The following CSMD3 variants were observed in gnomAD, a reference collection of about 807,000 sequenced individuals.
CSMD3 encodes the protein CUB and sushi domain-containing protein 3.
CSMD3 carries 177 observed loss-of-function variants against 435.2 expected under a neutral mutation model. The ratio of observed to expected loss-of-function variants is 0.41; its 90% CI spans 0.36 to 0.46. The LOEUF is 0.46. Ranked by LOEUF, CSMD3 falls within the 20% of genes least tolerant of loss-of-function variation. The probability of loss-of-function intolerance (pLI) is 0.34; values close to 1 mark genes in which losing one functional copy is unlikely to be tolerated. For synonymous variants in CSMD3, 1,656 were observed against 1,520.5 expected (o/e 1.09, Z -2.07); for missense variants, 4,265 against 4,504.6 (o/e 0.95, Z 1.52).
At chr8:112,264,699 A>G (rs1377602024) in intron 60 of CSMD3, among the ~76,000 whole-genome samples, 10 of 152,176 alleles carry the variant, frequency 6.6e-5, no homozygotes, top group Admixed American at 5.9e-4. Flanking sequence ...TAATTTTGTT[A>G]GATTATAAGT....
intron 11 of CSMD3, among the ~76,000 whole-genome samples, chr8:112,831,937 T>A (rs1014925173): frequency 5.9e-5 from 9 of 152,318 alleles, no homozygotes; most frequent in South Asian, 2.1e-4. Context: ...CTAGTTGAGA[T>A]CAGCTTTATA....
intron 4 of CSMD3, among the ~76,000 whole-genome samples, chr8:113,128,397 T>A (rs963838105): frequency 2.0e-5 from 3 of 151,956 alleles, no homozygotes; most frequent in African/African-American, 7.2e-5. Flanking sequence ...ATGAGCAAAA[T>A]TTTATGACCA....
chr8:113,293,363 T>G (rs1422756453), intron 2 of CSMD3, among the ~76,000 whole-genome samples: 1 of 152,000 alleles, frequency 6.6e-6, no homozygotes, highest in Non-Finnish European at 1.5e-5. Context: ...ATTTCTCCTT[T>G]CTCTCTTCCT....
In CSMD3 at chr8:112,947,891, G is replaced by A; in HGVS notation, c.1421-14C>T. 1.0e-6 allele frequency: 1 copy of A among 1,000,304 alleles called. No individual in the cohort carries two copies. The highest frequency in any genetic ancestry group is 1.6e-6 in the Non-Finnish European group (1 of 628,180). The allele number at this position is 1,000,304 out of a possible 1,614,324, so 62.0% of individuals were successfully genotyped here. A position where few individuals can be genotyped will look rare whatever the true frequency, so the allele number is the denominator to read the frequency against. On this transcript the variant is annotated splice_polypyrimidine_tract_variant and intron_variant, in intron 8 of 70. Coordinates refer to ENST00000297405, the MANE Select transcript of CSMD3 (RefSeq NM_198123.2). ...CTCCCTCATTTACTGCAACAGCAGG[G>A]AAAAAAGAAAAAAGAAACAAAATAT...
intron 27 of CSMD3, among the ~76,000 whole-genome samples, chr8:112,525,094 T>C (rs1824731375): frequency 6.6e-6 from 1 of 151,862 alleles, no homozygotes; most frequent in African/African-American, 2.4e-5. Flanking sequence ...AGCTACCTGG[T>C]AAGCTCAGGT....
At chr8:112,458,182 C>T (rs1205767079) in intron 32 of CSMD3, among the ~76,000 whole-genome samples, 2 of 151,382 alleles carry the variant, frequency 1.3e-5, no homozygotes, top group African/African-American at 4.8e-5. Context: ...AAGACAGTCC[C>T]CTTCAAATAC....
At chr8:113,057,575 C>G (rs1310939034) in intron 5 of CSMD3, among the ~76,000 whole-genome samples, 3 of 151,928 alleles carry the variant, frequency 2.0e-5, no homozygotes. Flanking sequence ...ATTATTATCA[C>G]TCACCATTAT....
chr8:112,272,934 T>C (rs939674782), intron 59 of CSMD3, among the ~76,000 whole-genome samples: 1 of 152,184 alleles, frequency 6.6e-6, no homozygotes, highest in East Asian at 1.9e-4. Context: ...GCCTATGAAG[T>C]ACATAAACTT....
At chr8:112,995,093 G>A (rs780753994) in intron 6 of CSMD3, among the ~76,000 whole-genome samples, 1 of 151,412 alleles carries the variant, frequency 6.6e-6, no homozygotes, top group Admixed American at 6.6e-5. Context: ...AAACATAATA[G>A]TTAATAAGGC....
intron 10 of CSMD3, among the ~76,000 whole-genome samples, chr8:112,911,184 A>G (rs1199322563): frequency 2.0e-5 from 3 of 151,882 alleles, no homozygotes; most frequent in Admixed American, 1.3e-4. Flanking sequence ...TTCAAACTGG[A>G]TACAATTCTT....
At chr8:112,664,827 T>C (rs1468290406) in intron 17 of CSMD3, among the ~76,000 whole-genome samples, 1 of 152,174 alleles carries the variant, frequency 6.6e-6, no homozygotes, top group Non-Finnish European at 1.5e-5. Flanking sequence ...ATAAACTGTC[T>C]TGTGGACACC....
intron 10 of CSMD3, among the ~76,000 whole-genome samples, chr8:112,874,061 C>T (rs1173048737): frequency 6.6e-6 from 1 of 152,036 alleles, no homozygotes; most frequent in Non-Finnish European, 1.5e-5. Flanking sequence ...TATAAATTTC[C>T]CTTTAAACAT....
At chr8:112,939,074 G>A (rs2083372672) in intron 9 of CSMD3, among the ~76,000 whole-genome samples, 1 of 152,084 alleles carries the variant, frequency 6.6e-6, no homozygotes, top group Non-Finnish European at 1.5e-5. Context: ...GAAAAAACAA[G>A]TTTTTGATCA....
intron 31 of CSMD3, among the ~76,000 whole-genome samples, chr8:112,478,049 C>T (rs1044915073): frequency 1.3e-5 from 2 of 152,166 alleles, no homozygotes; most frequent in Non-Finnish European, 1.5e-5. Context: ...AGCTCTCTCT[C>T]TCTCTTTGCC....
chr8:112,226,903 C>A (rs978235445), intron 70 of CSMD3, among the ~76,000 whole-genome samples: 18 of 152,082 alleles, frequency 1.2e-4, no homozygotes, highest in Non-Finnish European at 2.5e-4. Context: ...AGACAAAGCC[C>A]CCCAAACCTG....
At position 112,350,786 on chromosome 8, in the gene CSMD3, C is replaced by T. The variant is rs1000457227; in HGVS notation, c.6325+389G>A. The stretch of plus-strand genomic sequence containing the variant: ...AAGACATCTCATGAGGTGTCATACT[C>T]CTTTTGCTAGACACTTTAGATTCTT... On this transcript the variant is annotated intron_variant, in intron 40 of 70. Transcript: ENST00000297405. 2.6e-5 allele frequency among the ~76,000 whole-genome samples: 4 copies of T among 152,002 alleles called. No individual in the cohort carries two copies. The South Asian group carries it at 8.3e-4, about 32-fold the overall frequency.
At chr8:113,059,273 A>G (rs1382963663) in intron 5 of CSMD3, among the ~76,000 whole-genome samples, 1 of 152,136 alleles carries the variant, frequency 6.6e-6, no homozygotes, top group Admixed American at 6.5e-5. Context: ...AGCTTATTAT[A>G]CTGGTGCTTT....
At chr8:112,561,089 T>G (rs1024821175) in intron 24 of CSMD3, among the ~76,000 whole-genome samples, 2 of 151,730 alleles carry the variant, frequency 1.3e-5, no homozygotes, top group Admixed American at 1.3e-4. Context: ...GACAATAGTA[T>G]ATAAGCTACA....
intron 31 of CSMD3, among the ~76,000 whole-genome samples, chr8:112,485,372 C>A (rs1442659803): frequency 1.3e-5 from 2 of 152,056 alleles, no homozygotes; most frequent in Non-Finnish European, 2.9e-5. Context: ...TACCACTAAG[C>A]ATTTGTTTTA....
Sources: allele counts gnomAD v4.1 joint callset (sites outside exome capture counted in the v4.1 genomes callset), GRCh38; gene constraint gnomAD v4.1.1; transcripts MANE v1.5; gene names NCBI Gene and HGNC (gene_info 2026-07-23, HGNC 2026-07-21).